The following GPC6 variants were observed in gnomAD, a reference collection of about 807,000 sequenced individuals.
The protein encoded by GPC6 is glypican 6.
A neutral mutation model predicts 55.2 loss-of-function variants in GPC6; 14 were observed. That is an observed-to-expected ratio of 0.25 (90% confidence interval 0.17 to 0.40). The LOEUF (loss-of-function observed/expected upper bound fraction) is 0.40, where lower values mean the gene tolerates loss of function less well. Ranked by LOEUF, GPC6 falls within the 10% of genes least tolerant of loss-of-function variation. The pLI, the probability that GPC6 is intolerant of heterozygous loss-of-function variation, is 1.00. For synonymous variants in GPC6, 278 were observed against 259.6 expected, an observed-to-expected ratio of 1.07 and a Z score of -0.68; for missense variants, 641 against 708.5, an observed-to-expected ratio of 0.90 and a Z score of 1.08.
intron 6 of GPC6, among the ~76,000 whole-genome samples, chr13:94,342,948 G>C (rs534674520): frequency 5.3e-4 from 80 of 152,294 alleles, no homozygotes; most frequent in Admixed American, 1.6e-3. Flanking sequence ...TGATTCACTG[G>C]ATGGCCAATG....
intron 1 of GPC6, among the ~76,000 whole-genome samples, chr13:93,417,828 A>G (rs61964166): frequency 0.034 from 5,239 of 152,146 alleles, 140 homozygotes; most frequent in Middle Eastern, 0.071. Context: ...TTATGAGGAT[A>G]TACTTGGTTT....
At chr13:94,372,564 CG>C (rs1879613287) in intron 6 of GPC6, among the ~76,000 whole-genome samples, 5 of 150,108 alleles carry the variant, frequency 3.3e-5, no homozygotes, top group African/African-American at 9.9e-5. Context: ...GAGGGTCCTA[CG>C]CCCACGGAGT....
At chr13:93,428,946 C>T (rs1877254167) in intron 1 of GPC6, among the ~76,000 whole-genome samples, 1 of 152,116 alleles carries the variant, frequency 6.6e-6, no homozygotes, top group South Asian at 2.1e-4. Flanking sequence ...CTATTGGTTG[C>T]TGGTGGCACC....
chr13:94,373,024 T>C (rs1879654775), intron 6 of GPC6, among the ~76,000 whole-genome samples: 1 of 152,010 alleles, frequency 6.6e-6, no homozygotes, highest in Non-Finnish European at 1.5e-5. Context: ...GAAGGAAAAC[T>C]AAAAAACAGA....
intron 4 of GPC6, among the ~76,000 whole-genome samples, chr13:94,102,310 G>A (rs1885893593): frequency 6.6e-6 from 1 of 152,142 alleles, no homozygotes; most frequent in South Asian, 2.1e-4. Flanking sequence ...TGTCAAGTGA[G>A]TTAGTTAAAC....
intron 4 of GPC6, among the ~76,000 whole-genome samples, chr13:94,223,236 GA>G (rs1433930882): frequency 6.6e-6 from 1 of 152,088 alleles, no homozygotes; most frequent in East Asian, 1.9e-4. Flanking sequence ...TGGATAAATT[GA>G]AAGGATATCC....
intron 6 of GPC6, among the ~76,000 whole-genome samples, chr13:94,376,941 C>T (rs1879891577): frequency 6.6e-6 from 1 of 151,680 alleles, no homozygotes; most frequent in South Asian, 2.1e-4. Flanking sequence ...GAAAAACAAG[C>T]AATGGGGAAA....
intron 1 of GPC6, among the ~76,000 whole-genome samples, chr13:93,405,771 G>A (rs1329784926): frequency 6.6e-6 from 1 of 152,190 alleles, no homozygotes; most frequent in East Asian, 1.9e-4. Context: ...ATCTACTGGT[G>A]TGTAATAAAC....
Position 93,227,780 on chromosome 13 carries a change from G to C in GPC6, c.160+164G>C, listed in dbSNP as rs1484396317. Among the ~76,000 whole-genome samples, 1 of 152,168 alleles carries C rather than the reference G, an allele frequency of 6.6e-6. No homozygotes were observed. The highest frequency in any genetic ancestry group is 2.4e-5 in the African/African-American group (1 of 41,468). The stretch of plus-strand genomic sequence containing the variant: ...CGTGTTGGGCGGCGGATGCTCCTGC[G>C]GCTTCTTCGGCGGGGGAAGGTGTGC... On this transcript the variant is annotated intron_variant, in intron 1 of 8. Transcript: ENST00000377047. The surrounding 1 kb of genome is among the most constrained non-coding windows in gnomAD (Gnocchi z 4.3).
chr13:93,841,238 G>A (rs1031050919), intron 3 of GPC6, among the ~76,000 whole-genome samples: 2 of 152,174 alleles, frequency 1.3e-5, no homozygotes, highest in Non-Finnish European at 2.9e-5. Context: ...AAGCTTGACA[G>A]ATATATTGCC....
chr13:93,363,704 C>G (rs565646742), intron 1 of GPC6, among the ~76,000 whole-genome samples: 1 of 151,194 alleles, frequency 6.6e-6, no homozygotes, highest in South Asian at 2.1e-4. Flanking sequence ...CCTGAGGAAT[C>G]GCCACACTGA....
At position 93,719,986 on chromosome 13, in the gene GPC6, A is replaced by G. The variant is rs375418098; in HGVS notation, c.320-110168A>G. Among the ~76,000 whole-genome samples the G allele has an allele frequency of 9.4e-4, 143 of 152,230 alleles. 2 individuals are homozygous for G. In the South Asian group the frequency reaches 0.029, roughly 30 times the overall value. ...AATGTGCTGCTGGATTTGGGTTGCC[A>G]GTATTTTATTGAGAATTTTCGTATT... is the stretch of plus-strand genomic sequence containing the variant. On this transcript the variant is annotated intron_variant, in intron 2 of 8. Transcript: ENST00000377047.
chr13:93,331,834 CTATTAGCCAACCTTTCTT>C (rs1264908460), intron 1 of GPC6, among the ~76,000 whole-genome samples: 1 of 152,024 alleles, frequency 6.6e-6, no homozygotes, highest in East Asian at 1.9e-4. Context: ...ATTTTTGTAC[CTATTAGCCAACCTTTCTT>C]TATCACTTCT....
At chr13:93,714,506 A>G (rs1444447931) in intron 2 of GPC6, among the ~76,000 whole-genome samples, 1 of 151,906 alleles carries the variant, frequency 6.6e-6, no homozygotes, top group African/African-American at 2.4e-5. Flanking sequence ...TAGTTTGGCC[A>G]CTGTGGAAAG....
intron 3 of GPC6, among the ~76,000 whole-genome samples, chr13:93,905,476 T>G (rs888994605): frequency 6.6e-6 from 1 of 152,168 alleles, no homozygotes; most frequent in Non-Finnish European, 1.5e-5. Flanking sequence ...CAAGTTACAA[T>G]TTCCTGTAAT....
At chr13:93,705,197 T>G (rs1686282608) in intron 2 of GPC6, among the ~76,000 whole-genome samples, 1 of 151,956 alleles carries the variant, frequency 6.6e-6, no homozygotes, top group Admixed American at 6.6e-5. Flanking sequence ...TATATCATGT[T>G]GTCCATACAT....
intron 1 of GPC6, among the ~76,000 whole-genome samples, chr13:93,354,452 G>A (rs1044834620): frequency 2.7e-5 from 4 of 146,154 alleles, no homozygotes; most frequent in African/African-American, 7.7e-5. Flanking sequence ...CCGGGTTCAC[G>A]CCATTCTCCT....
At chr13:93,908,438 A>G (rs2140333171) in intron 3 of GPC6, among the ~76,000 whole-genome samples, 1 of 152,298 alleles carries the variant, frequency 6.6e-6, no homozygotes, top group Admixed American at 6.5e-5. Context: ...GAATTCCCAG[A>G]TGATTTGGTA....
At chr13:94,068,031 T>C (rs1388917815) in intron 4 of GPC6, among the ~76,000 whole-genome samples, 1 of 152,144 alleles carries the variant, frequency 6.6e-6, no homozygotes, top group African/African-American at 2.4e-5. Context: ...TTAAATAAGG[T>C]GCTGTTATTT....
Sources: allele counts gnomAD v4.1 joint callset (sites outside exome capture counted in the v4.1 genomes callset), GRCh38; gene constraint gnomAD v4.1.1; non-coding constraint Gnocchi (gnomAD v3.1); transcripts MANE v1.5; gene names NCBI Gene and HGNC (gene_info 2026-07-23, HGNC 2026-07-21).